The following RBPMS variants were observed in gnomAD, a reference collection of about 807,000 sequenced individuals.
RBPMS encodes the protein RNA binding protein, mRNA processing factor.
Under a neutral mutation model 26.8 loss-of-function variants are expected in RBPMS, and 7 were observed. The observed-to-expected ratio is 0.26, with a 90% confidence interval of 0.15 to 0.49. The LOEUF is 0.49. RBPMS is among the 20% of genes least tolerant of loss of function. The pLI is 0.98. For synonymous variants in RBPMS, 96 were observed against 93.3 expected (o/e 1.03, Z -0.17); for missense variants, 186 against 250.0 (o/e 0.74, Z 1.73).
chr8:30,439,527 T>C (rs972039839), intron 1 of RBPMS, among the ~76,000 whole-genome samples: 2 of 152,214 alleles, frequency 1.3e-5, no homozygotes, highest in Non-Finnish European at 2.9e-5. Context: ...GAGCAAATCT[T>C]TTGACATTGT....
chr8:30,435,714 G>A (rs780414554), intron 1 of RBPMS, among the ~76,000 whole-genome samples: 3 of 152,220 alleles, frequency 2.0e-5, no homozygotes, highest in Non-Finnish European at 4.4e-5. Flanking sequence ...ATGGAGTGAT[G>A]AGTTAGGGAA....
intron 1 of RBPMS, among the ~76,000 whole-genome samples, chr8:30,462,638 G>C (rs1030641959): frequency 1.3e-5 from 2 of 152,064 alleles, no homozygotes; most frequent in Admixed American, 6.6e-5. Flanking sequence ...ATGTCTGCCA[G>C]GCTGGTCTCG....
intron 6 of RBPMS, among the ~76,000 whole-genome samples, chr8:30,554,361 G>A (rs1161137807): frequency 6.6e-6 from 1 of 152,178 alleles, no homozygotes; most frequent in East Asian, 1.9e-4. Context: ...ATTCACAGCT[G>A]TTCCATAATC....
chr8:30,435,529 A>G (rs1305001358), intron 1 of RBPMS, among the ~76,000 whole-genome samples: 1 of 152,226 alleles, frequency 6.6e-6, no homozygotes, highest in Non-Finnish European at 1.5e-5. Flanking sequence ...GATACATGAC[A>G]TAGATTCAAA....
At chr8:30,430,579 A>C (rs1337838656) in intron 1 of RBPMS, among the ~76,000 whole-genome samples, 1 of 152,236 alleles carries the variant, frequency 6.6e-6, no homozygotes, top group Non-Finnish European at 1.5e-5. Context: ...TGTCAAAATC[A>C]CTGCTATTTA....
At chr8:30,518,715 T>TTTTTTTTTTTTTTTTTC (rs1554533805) in intron 5 of RBPMS, among the ~76,000 whole-genome samples, 2 of 129,924 alleles carry the variant, frequency 1.5e-5, no homozygotes, top group African/African-American at 6.5e-5. Flanking sequence ...TTTTTTTTTT[T>TTTTTTTTTTTTTTTTTC]CTGAAAAGGA....
intron 4 of RBPMS, among the ~76,000 whole-genome samples, chr8:30,495,627 A>AT (rs1819864198): frequency 6.6e-6 from 1 of 152,222 alleles, no homozygotes; most frequent in African/African-American, 2.4e-5. Flanking sequence ...AAGAAAAAGA[A>AT]TGAGGCATAA....
chr8:30,432,819 A>G (rs892828700), intron 1 of RBPMS, among the ~76,000 whole-genome samples: 1 of 56,396 alleles, frequency 1.8e-5, no homozygotes, highest in Non-Finnish European at 3.0e-5. Context: ...ATAAATAAAT[A>G]AATAAAACGA....
At chr8:30,435,954 G>A (rs185710279) in intron 1 of RBPMS, among the ~76,000 whole-genome samples, 1 of 152,114 alleles carries the variant, frequency 6.6e-6, no homozygotes, top group Admixed American at 6.5e-5. Flanking sequence ...TTACAGTTGT[G>A]AGCCACTGTG....
intron 6 of RBPMS, among the ~76,000 whole-genome samples, chr8:30,551,511 T>C (rs544644744): frequency 6.6e-6 from 1 of 152,308 alleles, no homozygotes; most frequent in South Asian, 2.1e-4. Context: ...TCCATTACTC[T>C]CCATTTGGTA....
chr8:30,568,133 T>C (rs2151097786), intron 8 of RBPMS, among the ~76,000 whole-genome samples: 1 of 152,320 alleles, frequency 6.6e-6, no homozygotes, highest in East Asian at 1.9e-4. Context: ...GTACCTGATT[T>C]TTTGAAGATG....
At chr8:30,511,486 A>AAATATATATATATATAT (rs1821657057) in intron 5 of RBPMS, among the ~76,000 whole-genome samples, 1 of 23,572 alleles carries the variant, frequency 4.2e-5, no homozygotes, top group African/African-American at 1.6e-4. Context: ...AAAAAAAAAA[A>AAATATATATATATATAT]ATATATATAT....
chr8:30,538,842 C>G (rs938593914), intron 5 of RBPMS, among the ~76,000 whole-genome samples: 1 of 152,156 alleles, frequency 6.6e-6, no homozygotes, highest in Non-Finnish European at 1.5e-5. Context: ...ACCCTGTTTC[C>G]AAAAACAGTT....
intron 1 of RBPMS, among the ~76,000 whole-genome samples, chr8:30,469,770 C>T (rs960636149): frequency 1.3e-5 from 2 of 152,138 alleles, no homozygotes; most frequent in Admixed American, 6.5e-5. Flanking sequence ...GTTCAGTTGG[C>T]GTAGTAATTC....
intron 4 of RBPMS, among the ~76,000 whole-genome samples, chr8:30,492,424 ACAC>A (rs1819494475): frequency 6.6e-6 from 1 of 152,022 alleles, no homozygotes; most frequent in South Asian, 2.1e-4. Context: ...TAAAGAGCTG[ACAC>A]CACGCTTGTC....
chr8:30,514,680 CT>C (rs577244764), intron 5 of RBPMS, among the ~76,000 whole-genome samples: 1,796 of 82,278 alleles, frequency 0.022, 51 homozygotes, highest in African/African-American at 0.091. Context: ...CCATGCCGGG[CT>C]TTTTTTTTTT....
chr8:30,502,909 C>T (rs1453499087), intron 4 of RBPMS, among the ~76,000 whole-genome samples: 1 of 151,900 alleles, frequency 6.6e-6, no homozygotes, highest in Non-Finnish European at 1.5e-5. Flanking sequence ...AGAAAATGTT[C>T]TTATGTTTCA....
Position 30,544,288 on chromosome 8 carries a change from T to C in RBPMS, c.398-206T>C, listed in dbSNP as rs539979627. Among the ~76,000 whole-genome samples, 203 of 152,356 alleles carry C rather than the reference T, an allele frequency of 1.3e-3. 3 individuals are homozygous for C. The highest frequency in any genetic ancestry group is 0.012 in the South Asian group (59 of 4,832). On this transcript the variant is annotated intron_variant, in intron 5 of 8. Transcript: ENST00000397323. ...CTCAGCAGGCCAGACAGGCAGCAGATGCTTGTTGCTTTTCTTGTGTTATAT... is the reference window on the plus strand; with the variant it reads ...CTCAGCAGGCCAGACAGGCAGCAGACGCTTGTTGCTTTTCTTGTGTTATAT...
chr8:30,466,592 T>C (rs556282388), intron 1 of RBPMS, among the ~76,000 whole-genome samples: 29 of 150,890 alleles, frequency 1.9e-4, no homozygotes, highest in Middle Eastern at 6.9e-3. Context: ...TTCTTTCTTT[T>C]TTTTCTTTTT....
Sources: allele counts gnomAD v4.1 joint callset (sites outside exome capture counted in the v4.1 genomes callset), GRCh38; gene constraint gnomAD v4.1.1; transcripts MANE v1.5; gene names NCBI Gene and HGNC (gene_info 2026-07-23, HGNC 2026-07-21).